Variants in TRRAP observed in about 807,000 individuals in gnomAD.
TRRAP encodes the protein transformation/transcription domain-associated protein.
A neutral mutation model predicts 438.8 loss-of-function variants in TRRAP; 41 were observed. That is an observed-to-expected ratio of 0.09 (90% confidence interval 0.07 to 0.12). TRRAP has a LOEUF of 0.12. Among genes scored for constraint, TRRAP ranks in the 10% least tolerant of loss-of-function variants. The probability of loss-of-function intolerance (pLI) is 1.00; values close to 1 mark genes in which losing one functional copy is unlikely to be tolerated. For synonymous variants in TRRAP, 1,994 were observed against 1,962.9 expected (o/e 1.02, Z -0.42); for missense variants, 3,122 against 5,055.1 (o/e 0.62, Z 11.60).
chr7:98,984,859 T>A, intron 61 of TRRAP, 85 bp from the exon 62 acceptor site: 1 of 815,870 alleles, frequency 1.2e-6, no homozygotes, highest in Non-Finnish European at 2.0e-6. Context: ...CTCATAGGAC[T>A]TACTGCCTAG....
rs548885159 is a variant in TRRAP at position 98,928,568 on chromosome 7, C to T, written c.3175+1202C>T. 2.0e-5 allele frequency among the ~76,000 whole-genome samples: 3 copies of T among 152,316 alleles called. No homozygotes were observed. The East Asian group carries it at 5.8e-4, about 29-fold the overall frequency. ...CTTCTCAGTAACTTCCACCTTGGACCTGGGTACCTCCGAGGCATTACCTAA... is the reference window on the plus strand; with the variant it reads ...CTTCTCAGTAACTTCCACCTTGGACTTGGGTACCTCCGAGGCATTACCTAA... On this transcript the variant is annotated intron_variant, in intron 23 of 72. Transcript: ENST00000456197.
chr7:99,003,177 G>A (rs1033921576), intron 67 of TRRAP, among the ~76,000 whole-genome samples: 12 of 152,220 alleles, frequency 7.9e-5, no homozygotes, highest in Admixed American at 3.9e-4. Flanking sequence ...TTAGGGTGAC[G>A]AGGCTCCTTC....
chr7:98,983,610 G>A, intron 60 of TRRAP, 151 bp downstream of exon 60: 2 of 792,234 alleles, frequency 2.5e-6, no homozygotes, highest in Middle Eastern at 3.6e-4. Context: ...GGTCGGGGTG[G>A]TAATGGTACA....
chr7:98,979,376 T>C (rs2116743520), intron 58 of TRRAP, among the ~76,000 whole-genome samples: 1 of 152,348 alleles, frequency 6.6e-6, no homozygotes, highest in Middle Eastern at 3.4e-3. Flanking sequence ...AAATCCTGTC[T>C]AGGTTACTTA....
intron 12 of TRRAP, 100 bp from the exon 13 acceptor site, chr7:98,906,077 A>G: frequency 1.1e-6 from 1 of 882,162 alleles, no homozygotes; most frequent in South Asian, 1.6e-5. Context: ...TGGATTGCAT[A>G]TCAGACTGGC....
rs1196074845 is a variant in TRRAP, at chr7:98,911,276, A to G, written c.2007+5A>G. ...TCAAAAAATTATGCTCTTCAGGTATAAAACTCCTTTTTTTATGTTGTTTGA... is the reference window on the plus strand; with the variant it reads ...TCAAAAAATTATGCTCTTCAGGTATGAAACTCCTTTTTTTATGTTGTTTGA... On this transcript the variant is annotated splice_donor_5th_base_variant and intron_variant, in intron 17 of 72. Transcript: ENST00000456197. The G allele has an allele frequency of 4.4e-6, 7 of 1,596,916 alleles. No individual in the cohort carries two copies. Among genetic ancestry groups the G allele is most frequent in the Non-Finnish European group, 6.0e-6 (7 of 1,171,912 alleles).
At position 98,953,547 on chromosome 7, in the gene TRRAP, A is replaced by G. The variant is rs1372740720; in HGVS notation, c.5730+114A>G. On this transcript the variant is annotated intron_variant, in intron 40 of 72. Transcript: ENST00000456197. ...TTGTCTTCTCCCAAAACCAATAAAAACCATGAAAACACAGACACTGTATGA... is the reference window on the plus strand; with the variant it reads ...TTGTCTTCTCCCAAAACCAATAAAAGCCATGAAAACACAGACACTGTATGA... 10 of 1,422,550 alleles carry G rather than the reference A, an allele frequency of 7.0e-6. No homozygotes were observed. The South Asian group carries it at 1.2e-4, about 17-fold the overall frequency. The allele number at this position is 1,422,550 out of a possible 1,614,324, so 88.1% of individuals were successfully genotyped here.
At chr7:99,001,905 C>T (rs1468192403) in intron 67 of TRRAP, among the ~76,000 whole-genome samples, 1 of 152,160 alleles carries the variant, frequency 6.6e-6, no homozygotes, top group East Asian at 1.9e-4. Context: ...GGAAACCATG[C>T]AGATGCCCTT....
Position 98,945,966 on chromosome 7 carries a change from G to A in TRRAP, c.4548+16G>A, listed in dbSNP as rs1554416695. On this transcript the variant is annotated intron_variant, in intron 33 of 72. Coordinates refer to ENST00000456197, the MANE Select transcript of TRRAP (RefSeq NM_001375524.1). ...AGGGGTAGAGGTGAGAACTTGAGCG[G>A]AGCTACAGGAGGGGGTTGTTGTCGT... The A allele has an allele frequency of 6.9e-7, 1 of 1,446,612 alleles. No individual in the cohort carries two copies. Among genetic ancestry groups the A allele is most frequent in the Admixed American group, 2.5e-5 (1 of 40,432 alleles). 89.6% of individuals were successfully genotyped at this position (1,446,612 alleles called of 1,614,324 possible). A position where few individuals can be genotyped will look rare whatever the true frequency, so the allele number is the denominator to read the frequency against.
At chr7:98,882,332 A>G (rs1584260927) in intron 3 of TRRAP, among the ~76,000 whole-genome samples, 1 of 147,604 alleles carries the variant, frequency 6.8e-6, no homozygotes, top group East Asian at 2.0e-4. Flanking sequence ...ACTCAGATTT[A>G]TTCTTGTACT....
chr7:98,921,900 A>G lies in TRRAP; in HGVS notation c.2770A>G (p.Ile924Val). Residue 924 changes from isoleucine to valine, a missense_variant, in exon 21 of 73, where the codon ATC becomes GTC. Around this residue, in one of 24 missense-constraint regions of TRRAP, gnomAD observed 133 missense variants for 188.6 expected, o/e 0.71. Coordinates refer to ENST00000456197, the MANE Select transcript of TRRAP (RefSeq NM_001375524.1). ...TGTGACCGAGGTTCAGGGCCCCAGC[A>G]TCACTGTGGAGTTTTCCGACTGCAA... The part of the protein sequence containing the change: ...YVVTEVQGPS[I>V]TVEFSDCKAS... 1.9e-6 allele frequency: 3 copies of G among 1,614,230 alleles called. No individual in the cohort carries two copies. The East Asian group carries it at 6.7e-5, about 36-fold the overall frequency.
chr7:98,989,644 C>T (rs939604262), intron 63 of TRRAP, among the ~76,000 whole-genome samples: 2 of 152,208 alleles, frequency 1.3e-5, no homozygotes, highest in East Asian at 1.9e-4. Flanking sequence ...CAGTTAAAGC[C>T]GACTACAGAG....
intron 53 of TRRAP, 70 bp downstream of exon 53, chr7:98,972,015 A>G (rs750153663): frequency 2.0e-6 from 3 of 1,524,396 alleles, no homozygotes; most frequent in Admixed American, 2.3e-5. Context: ...AATCAGGATC[A>G]TTCCACAGCA....
chr7:98,962,503 T>A (rs921079880), intron 47 of TRRAP, 76 bp downstream of exon 47: 1 of 1,604,910 alleles, frequency 6.2e-7, no homozygotes, highest in Non-Finnish European at 8.5e-7. Context: ...GTGCTTCCCT[T>A]TGGGAAAGGG....
In TRRAP at chr7:98,931,638, C is replaced by T. The variant is rs782064786; in HGVS notation, c.3825C>T (p.Val1275=). Residue 1275 remains valine (V), a synonymous_variant, in exon 26 of 73, where the codon GTC becomes GTT. Coordinates refer to ENST00000456197, the MANE Select transcript of TRRAP (RefSeq NM_001375524.1). ...TGGCCCAGGTCACTGGGAAGAGTGT[C>T]ACGGTGATCATGGAACCCCACAAAG... The part of the protein sequence containing the change: ...QVLAQVTGKS[V]TVIMEPHKEV... 5 of 1,614,100 alleles carry T rather than the reference C, an allele frequency of 3.1e-6. No individual in the cohort carries two copies. In the South Asian group the frequency reaches 4.4e-5, roughly 14 times the overall value.
chr7:98,929,624 A>T (rs782509820), intron 23 of TRRAP, among the ~76,000 whole-genome samples: 3 of 149,914 alleles, frequency 2.0e-5, no homozygotes, highest in Non-Finnish European at 4.4e-5. Context: ...TTTTTTTGAG[A>T]CGGAGTCTCA....
chr7:98,936,693 C>T (rs1790569983), intron 28 of TRRAP, among the ~76,000 whole-genome samples: 1 of 152,148 alleles, frequency 6.6e-6, no homozygotes, highest in African/African-American at 2.4e-5. Context: ...CACCCCATTA[C>T]CCTATGAAGG....
intron 67 of TRRAP, among the ~76,000 whole-genome samples, chr7:99,000,218 A>G (rs528952119): frequency 6.6e-6 from 1 of 152,256 alleles, no homozygotes; most frequent in South Asian, 2.1e-4. Context: ...TACGTTGGCC[A>G]GGCTGGTTTT....
At chr7:99,004,864 A>T (rs1474822846) in intron 68 of TRRAP, among the ~76,000 whole-genome samples, 1 of 152,136 alleles carries the variant, frequency 6.6e-6, no homozygotes, top group Non-Finnish European at 1.5e-5. Flanking sequence ...ATATGTCCAG[A>T]GTTTAGTTGC....
Sources: allele counts gnomAD v4.1 joint callset (sites outside exome capture counted in the v4.1 genomes callset), GRCh38; gene constraint gnomAD v4.1.1; regional missense constraint gnomAD v4.1.1; transcripts MANE v1.5; gene names NCBI Gene and HGNC (gene_info 2026-07-23, HGNC 2026-07-21).